The following MYH9 variants were observed in gnomAD, a reference collection of about 807,000 sequenced individuals.
MYH9 encodes myosin heavy chain 9.
In MYH9, 29 loss-of-function variants were observed where a neutral mutation model predicts 241.9. The observed-to-expected ratio is 0.12, with a 90% CI of 0.09 to 0.16. The LOEUF is 0.16. Among genes scored for constraint, MYH9 ranks in the 10% least tolerant of loss-of-function variants. The probability of loss-of-function intolerance (pLI) is 1.00; values close to 1 mark genes in which losing one functional copy is unlikely to be tolerated. For synonymous variants in MYH9, 1,047 were observed against 1,062.6 expected (o/e 0.99, Z 0.29); for missense variants, 1,803 against 2,595.5 (o/e 0.69, Z 6.63).
intron 5 of MYH9, among the ~76,000 whole-genome samples, chr22:36,324,394 G>A (rs1261892871): frequency 6.6e-6 from 1 of 152,272 alleles, no homozygotes; most frequent in Non-Finnish European, 1.5e-5. Flanking sequence ...GGGCTTCACT[G>A]GGTGGTGTTT....
intron 3 of MYH9, among the ~76,000 whole-genome samples, chr22:36,338,829 A>G (rs1369005882): frequency 1.3e-5 from 2 of 151,840 alleles, no homozygotes; most frequent in South Asian, 2.1e-4. Context: ...CAAAAAAAAA[A>G]AAAAAGAAAA....
At chr22:36,313,096 A>C (rs2017092168) in intron 13 of MYH9, among the ~76,000 whole-genome samples, 1 of 149,892 alleles carries the variant, frequency 6.7e-6, no homozygotes, top group African/African-American at 2.5e-5. Context: ...GTCTCAAAAA[A>C]AAAAAGGAAA....
At chr22:36,376,180 C>G (rs1173293968) in intron 1 of MYH9, among the ~76,000 whole-genome samples, 3 of 151,868 alleles carry the variant, frequency 2.0e-5, no homozygotes, top group African/African-American at 7.3e-5. Flanking sequence ...AGGCTGGTCT[C>G]GAACTCCTGA....
At position 36,320,812 on chromosome 22, in the gene MYH9, C is replaced by G. The variant is rs1188816913; in HGVS notation, c.854G>C (p.Gly285Ala). The G allele has an allele frequency of 6.2e-7, 1 of 1,613,994 alleles. No homozygotes were observed. The highest frequency in any genetic ancestry group is 8.5e-7 in the Non-Finnish European group (1 of 1,179,878). Residue 285 changes from glycine to alanine, a missense_variant, in exon 8 of 41, where the codon GGA (glycine) becomes GCA (alanine). Physicochemically the swap from Gly to Ala is moderately conservative, Grantham distance 60. Transcript: ENST00000216181. The surrounding 1 kb of genome is among the most constrained non-coding windows in gnomAD (Gnocchi z 4.8). Reference protein sequence around the residue: ...HIFYYLLSGAGEHLKTDLLLE... With the variant: ...HIFYYLLSGAAEHLKTDLLLE... ...CAACTACTCACTCTTCAGGTGCTCT[C>G]CAGCCCCAGACAGGAGATAATAGAA...
At chr22:36,381,825 A>C (rs1371833935) in intron 1 of MYH9, among the ~76,000 whole-genome samples, 1 of 152,162 alleles carries the variant, frequency 6.6e-6, no homozygotes, top group Non-Finnish European at 1.5e-5. Context: ...GACCTTTTTA[A>C]TAGCACAACT....
intron 2 of MYH9, among the ~76,000 whole-genome samples, chr22:36,347,060 C>T (rs548059631): frequency 6.6e-6 from 1 of 152,234 alleles, no homozygotes; most frequent in South Asian, 2.1e-4. Flanking sequence ...CCACTGGGGA[C>T]AAAACCAGAA....
chr22:36,354,300 G>A (rs938938652), intron 1 of MYH9, among the ~76,000 whole-genome samples: 1 of 151,958 alleles, frequency 6.6e-6, no homozygotes, highest in African/African-American at 2.4e-5. Context: ...ACAAGCTGGG[G>A]AATGAGGACC....
At chr22:36,384,658 A>C (rs2018322088) in intron 1 of MYH9, among the ~76,000 whole-genome samples, 2 of 118,330 alleles carry the variant, frequency 1.7e-5, no homozygotes, top group Non-Finnish European at 3.3e-5. Flanking sequence ...ATATACAGCC[A>C]CTACATATTA....
Position 36,375,955 on chromosome 22 carries a change from CTTTTTTT to C in MYH9, c.-20+11845_-20+11851del, listed in dbSNP as rs751350180. Among the ~76,000 whole-genome samples, 37 of 89,104 alleles carry C rather than the reference CTTTTTTT, an allele frequency of 4.2e-4. 1 individual carries two copies. The East Asian group carries it at 5.6e-3, about 13-fold the overall frequency. The allele number at this position is 89,104 out of a possible 152,430, so 58.5% of individuals were successfully genotyped here. On this transcript the variant is annotated intron_variant, in intron 1 of 40. Transcript: ENST00000216181. ...AGTACATACAAGTGCTCAATAATTT[CTTTTTTT>C]TTTTTTTTTTTTTTTTGAGATGGAG...
chr22:36,332,351 T>A (rs578143944), intron 3 of MYH9, among the ~76,000 whole-genome samples: 1 of 152,262 alleles, frequency 6.6e-6, no homozygotes. Flanking sequence ...CCGAGTGGGG[T>A]GGAGCTTCCT....
intron 1 of MYH9, among the ~76,000 whole-genome samples, chr22:36,382,098 G>A (rs564824225): frequency 6.6e-6 from 1 of 152,180 alleles, no homozygotes; most frequent in East Asian, 1.9e-4. Context: ...AAAGTGCTGG[G>A]ATTACAGATG....
rs115869378 is a variant in MYH9, at chr22:36,282,532, G to T, written c.*136C>A. On this transcript the variant is annotated 3_prime_UTR_variant, in exon 41 of 41. Transcript: ENST00000216181. ...CAACACCTGGAGGGAAACGGGATGG[G>T]GGGACGGGGCGGAGGGCAGGAGGAG... 7.1e-3 allele frequency: 6,128 copies of T among 864,218 alleles called. 242 individuals are homozygous for T. The African/African-American group carries it at 0.086, about 12-fold the overall frequency. 53.5% of individuals were successfully genotyped at this position (864,218 alleles called of 1,614,324 possible).
At chr22:36,362,392 T>A (rs2017948489) in intron 1 of MYH9, among the ~76,000 whole-genome samples, 1 of 152,074 alleles carries the variant, frequency 6.6e-6, no homozygotes, top group African/African-American at 2.4e-5. Context: ...TAGGCACAGA[T>A]CTCATGTGGC....
intron 1 of MYH9, among the ~76,000 whole-genome samples, chr22:36,373,911 C>A (rs532228375): frequency 1.4e-4 from 21 of 152,168 alleles, no homozygotes; most frequent in Non-Finnish European, 2.8e-4. Flanking sequence ...CACACACAGT[C>A]TCCATTCTGC....
At chr22:36,339,117 GAGA>G (rs151094272) in intron 3 of MYH9, among the ~76,000 whole-genome samples, 213 of 152,278 alleles carry the variant, frequency 1.4e-3, no homozygotes, top group East Asian at 2.3e-3. Context: ...GAATCTCTTG[GAGA>G]AGGAGTCCCA....
intron 1 of MYH9, among the ~76,000 whole-genome samples, chr22:36,375,507 A>T (rs1386951746): frequency 1.3e-5 from 2 of 152,214 alleles, no homozygotes; most frequent in Non-Finnish European, 2.9e-5. Flanking sequence ...ATGCTCAGCC[A>T]CTGGTGAGGG....
rs2016897563 is a variant in MYH9, at chr22:36,302,634, G to A, written c.2433C>T (p.Val811=). The change falls in exon 20 of 41, where the codon GTC becomes GTT. Residue 811 remains valine (V), a synonymous_variant. Transcript: ENST00000216181. ...KRQQQLTAMK[V]LQRNCAAYLK... ...GGTAGGCAGCGCAGTTCCGCTGGAG[G>A]ACCTTCATGGCGGTAAGCTGCTGCT... 6.2e-7 allele frequency: 1 copy of A among 1,613,502 alleles called. No homozygotes were observed. Among genetic ancestry groups the A allele is most frequent in the Non-Finnish European group, 8.5e-7 (1 of 1,179,972 alleles).
intron 5 of MYH9, among the ~76,000 whole-genome samples, chr22:36,325,993 G>C (rs989697768): frequency 6.6e-6 from 1 of 152,240 alleles, no homozygotes; most frequent in Admixed American, 6.5e-5. Flanking sequence ...CGCATTCCCA[G>C]TGCAGAACGT....
At chr22:36,347,364 G>A (rs2017693621) in intron 2 of MYH9, among the ~76,000 whole-genome samples, 1 of 151,936 alleles carries the variant, frequency 6.6e-6, no homozygotes, top group African/African-American at 2.4e-5. Flanking sequence ...CCCAGAGCAA[G>A]TCTTACTCTT....
Sources: gnomAD v4.1 joint callset for allele counts (sites outside exome capture counted in the v4.1 genomes callset) on GRCh38, gnomAD v4.1.1 for gene constraint, Gnocchi (gnomAD v3.1) non-coding constraint, MANE v1.5 for transcripts, NCBI Gene and HGNC (gene_info 2026-07-23, HGNC 2026-07-21) for gene names.